LMOD3: variants seen among roughly 807,000 people sequenced by gnomAD.
LMOD3 encodes leiomodin-3.
LMOD3 carries 31 observed loss-of-function variants against 41.8 expected under a neutral mutation model. That is an observed-to-expected ratio of 0.74 (90% CI 0.56 to 1.00). The LOEUF (loss-of-function observed/expected upper bound fraction) is 1.00, where lower values mean the gene tolerates loss of function less well. LMOD3 is among the 50% of genes least tolerant of loss of function. The probability of loss-of-function intolerance (pLI) is 0.00; values close to 1 mark genes in which losing one functional copy is unlikely to be tolerated. For missense variants in LMOD3, 755 were observed against 679.5 expected (o/e 1.11, Z -1.23); for synonymous variants, 292 against 241.9 (o/e 1.21, Z -1.92).
At chr3:69,111,008 T>C (rs2107521277) in intron 2 of LMOD3, among the ~76,000 whole-genome samples, 1 of 151,766 alleles carries the variant, frequency 6.6e-6, no homozygotes, top group South Asian at 2.1e-4. Context: ...GTTTCAAGTG[T>C]CATTGTATCT....
Position 69,120,024 on chromosome 3 carries a change from G to C in LMOD3, c.331C>G (p.Arg111Gly), listed in dbSNP as rs373887230. 1 of 1,602,764 alleles carries C rather than the reference G, an allele frequency of 6.2e-7. No homozygotes were observed. Among genetic ancestry groups the C allele is most frequent in the Non-Finnish European group, 8.5e-7 (1 of 1,176,188 alleles). Residue 111 changes from arginine to glycine, a missense_variant, in exon 2 of 3, where the codon CGT (arginine) becomes GGT (glycine). Physicochemically the swap from Arg to Gly is moderately radical, Grantham distance 125. Coordinates refer to ENST00000420581, the MANE Select transcript of LMOD3 (RefSeq NM_198271.5). ...AAATACTGGGCCATATTTTTATTAC[G>C]TTTTTCTATTTCTTCATGCTCTTCT... ...TQEEHEEIEK[R>G]NKNMAQYLKE...
chr3:69,122,482 C>CTTGGGACACTCGTTAACTGG lies in LMOD3; in HGVS notation c.-97_-96insCCAGTTAACGAGTGTCCCAA. 2.1e-6 allele frequency: 2 copies of CTTGGGACACTCGTTAACTGG among 935,758 alleles called. No homozygotes were observed. Among genetic ancestry groups the CTTGGGACACTCGTTAACTGG allele is most frequent in the Non-Finnish European group, 3.1e-6 (2 of 642,094 alleles). 58.0% of individuals were successfully genotyped at this position (935,758 alleles called of 1,614,324 possible). On this transcript the variant is annotated 5_prime_UTR_variant, in exon 1 of 3. Coordinates refer to ENST00000420581, the MANE Select transcript of LMOD3 (RefSeq NM_198271.5). The stretch of plus-strand genomic sequence containing the variant: ...AGCCTCAAGAAGGTCCCCCAGTTAA[C>CTTGGGACACTCGTTAACTGG]GAGTGTCCCAAGTTAACACACCCTT...
intron 2 of LMOD3, 82 bp downstream of exon 2, chr3:69,118,617 T>C (rs2092388336): frequency 1.4e-6 from 2 of 1,449,762 alleles, no homozygotes; most frequent in Admixed American, 4.7e-5. Context: ...TATCCCCTTA[T>C]GTTAAAACAG....
chr3:69,120,545 T>C (rs1250756862), intron 1 of LMOD3, among the ~76,000 whole-genome samples: 1 of 151,748 alleles, frequency 6.6e-6, no homozygotes, highest in African/African-American at 2.4e-5. Context: ...TACATGAACT[T>C]CCTCTGAGAA....
At chr3:69,115,127 C>A (rs1301599767) in intron 2 of LMOD3, among the ~76,000 whole-genome samples, 1 of 152,124 alleles carries the variant, frequency 6.6e-6, no homozygotes, top group South Asian at 2.1e-4. Flanking sequence ...TCTGCCTTGG[C>A]CTCCCAAACT....
Position 69,122,410 on chromosome 3 carries a change from C to G in LMOD3, c.-24G>C. 6.9e-7 allele frequency: 1 copy of G among 1,453,210 alleles called. No homozygotes were observed. Among genetic ancestry groups the G allele is most frequent in the Non-Finnish European group, 9.3e-7 (1 of 1,077,726 alleles). 90.0% of individuals were successfully genotyped at this position (1,453,210 alleles called of 1,614,324 possible). A position where few individuals can be genotyped will look rare whatever the true frequency, so the allele number is the denominator to read the frequency against. On this transcript the variant is annotated 5_prime_UTR_variant, in exon 1 of 3. Coordinates refer to ENST00000420581, the MANE Select transcript of LMOD3 (RefSeq NM_198271.5). The stretch of plus-strand genomic sequence containing the variant: ...ATTATTTTTTCTAAATATTATTTTA[C>G]TAGAAAAGAAGAATAATCAAAGATG...
rs2092335793 is a variant in LMOD3, at chr3:69,108,985, T to A, written c.*110A>T. 3 of 974,046 alleles carry A rather than the reference T, an allele frequency of 3.1e-6. No homozygotes were observed. Among genetic ancestry groups the A allele is most frequent in the Non-Finnish European group, 4.7e-6 (3 of 639,592 alleles). 60.3% of individuals were successfully genotyped at this position (974,046 alleles called of 1,614,324 possible). ...ACCCTTATCAGATGGTAGCATTGTT[T>A]CCAGTTCTGCCACGTGGATCCTAAA... On this transcript the variant is annotated 3_prime_UTR_variant, in exon 3 of 3. Transcript: ENST00000420581.
intron 2 of LMOD3, among the ~76,000 whole-genome samples, chr3:69,117,263 G>A (rs555112801): frequency 1.3e-4 from 20 of 152,296 alleles, no homozygotes; most frequent in Non-Finnish European, 2.9e-4. Flanking sequence ...AGAAGAATGG[G>A]CTATTGATAA....
Position 69,119,047 on chromosome 3 carries a change from TC to T in LMOD3, c.1307del (p.Gly436AspfsTer33). The part of the protein sequence containing the change: ...LPPGMWELLG[G>X]PKPDSRMQEF... ...CCTGCATTCTGGAATCTGGCTTGGG[TC>T]CTCCCAACAGCTCCCACATCCCAGG... On this transcript the variant is annotated frameshift_variant, in exon 2 of 3. Transcript: ENST00000420581. LOFTEE classifies it high-confidence loss of function. The T allele has an allele frequency of 6.2e-7, 1 of 1,613,436 alleles. No homozygotes were observed. Among genetic ancestry groups the T allele is most frequent in the Non-Finnish European group, 8.5e-7 (1 of 1,179,778 alleles).
At chr3:69,114,785 C>T (rs57119184) in intron 2 of LMOD3, among the ~76,000 whole-genome samples, 37,511 of 152,196 alleles carry the variant, frequency 0.25, 4,790 homozygotes, top group South Asian at 0.31. Context: ...GTGTGAGCCA[C>T]CGCACCCAGC....
chr3:69,109,646 G>A (rs748583109), intron 2 of LMOD3, among the ~76,000 whole-genome samples: 1 of 148,260 alleles, frequency 6.7e-6, no homozygotes, highest in African/African-American at 2.5e-5. Context: ...TCCTGCCTCA[G>A]CCTCCCAAGT....
chr3:69,118,217 A>G (rs112505884), intron 2 of LMOD3, among the ~76,000 whole-genome samples: 18 of 152,126 alleles, frequency 1.2e-4, no homozygotes, highest in African/African-American at 4.3e-4. Context: ...GTTCTTTTGA[A>G]TATGCACTTG....
chr3:69,108,249 G>T lies in LMOD3; in HGVS notation c.*846C>A, dbSNP rs887348289. ...TAAACACATATGAGCGTGTGTGTGT[G>T]TGTGTGTATTTAGCCAAAACCAAAA... On this transcript the variant is annotated 3_prime_UTR_variant, in exon 3 of 3. Transcript: ENST00000420581. 3.9e-5 allele frequency: 6 copies of T among 152,092 alleles called. No individual in the cohort carries two copies. Among genetic ancestry groups the T allele is most frequent in the Admixed American group, 1.3e-4 (2 of 15,270 alleles). 9.4% of individuals were successfully genotyped at this position (152,092 alleles called of 1,614,324 possible).
At chr3:69,110,853 A>ATATATATATAT (rs1553686981) in intron 2 of LMOD3, among the ~76,000 whole-genome samples, 3 of 104,124 alleles carry the variant, frequency 2.9e-5, no homozygotes, top group African/African-American at 1.4e-4. Flanking sequence ...AAAAAAAAAA[A>ATATATATATAT]ATATATATAT....
At position 69,120,024 on chromosome 3, in the gene LMOD3, G is replaced by GT; in HGVS notation, c.330dup (p.Arg111ThrfsTer2). 6.2e-7 allele frequency: 1 copy of GT among 1,602,764 alleles called. No homozygotes were observed. The highest frequency in any genetic ancestry group is 8.5e-7 in the Non-Finnish European group (1 of 1,176,188). On this transcript the variant is annotated frameshift_variant, in exon 2 of 3. Transcript: ENST00000420581. LOFTEE classifies it high-confidence loss of function. ...AAATACTGGGCCATATTTTTATTACGTTTTTCTATTTCTTCATGCTCTTCT... is the reference window on the plus strand; with the variant it reads ...AAATACTGGGCCATATTTTTATTACGTTTTTTCTATTTCTTCATGCTCTTCT...
Position 69,119,393 on chromosome 3 carries a change from A to C in LMOD3, c.962T>G (p.Phe321Cys), listed in dbSNP as rs1297796108. The C allele has an allele frequency of 6.2e-7, 1 of 1,613,992 alleles. No individual in the cohort carries two copies. Among genetic ancestry groups the C allele is most frequent in the Admixed American group, 1.7e-5 (1 of 60,010 alleles). The change falls in exon 2 of 3, where the codon TTC (phenylalanine) becomes TGC (cysteine). Residue 321 changes from phenylalanine to cysteine, a missense_variant. By Grantham distance (205) the Phe-to-Cys change is radical. Coordinates refer to ENST00000420581, the MANE Select transcript of LMOD3 (RefSeq NM_198271.5). ...GGCCACAATCCCTTTACCTGTGATG[A>C]AATTGGACTCGATGTTGAGAGTGGT... The part of the protein sequence containing the change: ...SITTLNIESN[F>C]ITGKGIVAIM...
In LMOD3 at chr3:69,115,232, G is replaced by A. The variant is rs113739777; in HGVS notation, c.1656+3467C>T. Among the ~76,000 whole-genome samples the A allele has an allele frequency of 8.3e-3, 1,269 of 152,118 alleles. 19 individuals are homozygous for A. Among genetic ancestry groups the A allele is most frequent in the African/African-American group, 0.029 (1,195 of 41,474 alleles). On this transcript the variant is annotated intron_variant, in intron 2 of 2. Transcript: ENST00000420581. ...CATGGTGGCTGATGCCTGTAATCCC[G>A]CCACTTTGGGAGGCTGAAGCGGAAG...
Position 69,118,696 on chromosome 3 carries a change from T to TA in LMOD3, c.1656+2dup, listed in dbSNP as rs2092388725. 3.1e-6 allele frequency: 5 copies of TA among 1,607,476 alleles called. No homozygotes were observed. Among genetic ancestry groups the TA allele is most frequent in the African/African-American group, 1.3e-5 (1 of 74,450 alleles). Reference sequence around the variant, plus strand: ...GTCACCATTTCTCCCTCCTTCTACTTACAGGTTTAAGATAGGCGACACTGC... The same window carrying TA: ...GTCACCATTTCTCCCTCCTTCTACTTAACAGGTTTAAGATAGGCGACACTGC... On this transcript the variant is annotated splice_region_variant and intron_variant, in intron 2 of 2. Coordinates refer to ENST00000420581, the MANE Select transcript of LMOD3 (RefSeq NM_198271.5).
intron 2 of LMOD3, among the ~76,000 whole-genome samples, chr3:69,109,520 C>CTTTTTTTTTTTTTTT (rs923225067): frequency 1.0e-5 from 1 of 98,710 alleles, no homozygotes; most frequent in Non-Finnish European, 1.8e-5. Context: ...CATGTTAACA[C>CTTTTTTTTTTTTTTT]TTTTTTTTTT....
Sources: gnomAD v4.1 joint callset for allele counts (sites outside exome capture counted in the v4.1 genomes callset) on GRCh38, gnomAD v4.1.1 for gene constraint, MANE v1.5 for transcripts, NCBI Gene and HGNC (gene_info 2026-07-23, HGNC 2026-07-21) for gene names.